Variants in JAKMIP3 observed in about 807,000 individuals in gnomAD.
JAKMIP3 encodes the protein janus kinase and microtubule-interacting protein 3.
Under a neutral mutation model 118.5 loss-of-function variants are expected in JAKMIP3, and 58 were observed. That is an observed-to-expected ratio of 0.49 (90% CI 0.40 to 0.61). The LOEUF (loss-of-function observed/expected upper bound fraction) is 0.61, where lower values mean the gene tolerates loss of function less well. JAKMIP3 is among the 20% of genes least tolerant of loss of function. The pLI, the probability that JAKMIP3 is intolerant of heterozygous loss-of-function variation, is 0.00. For missense variants in JAKMIP3, 950 were observed against 1,109.0 expected (o/e 0.86, Z 2.04); for synonymous variants, 486 against 451.2 (o/e 1.08, Z -0.98).
intron 12 of JAKMIP3, 88 bp from the exon 13 acceptor site, chr10:132,145,430 T>G: frequency 7.9e-7 from 1 of 1,269,346 alleles, no homozygotes. Flanking sequence ...GCCAGACTGG[T>G]CTTTGGTGTT....
intron 23 of JAKMIP3, among the ~76,000 whole-genome samples, chr10:132,171,255 C>T (rs1055232055): frequency 1.1e-4 from 16 of 152,210 alleles, no homozygotes; most frequent in Non-Finnish European, 4.4e-5. Flanking sequence ...CAGTCTCCAG[C>T]GTGAGTTTGA....
chr10:132,134,996 G>C, intron 4 of JAKMIP3, 45 bp from the exon 5 acceptor site: 1 of 1,600,828 alleles, frequency 6.2e-7, no homozygotes, highest in East Asian at 2.2e-5. Context: ...AGGCTTCCCA[G>C]GCTTGTGGGT....
chr10:132,094,662 A>G (rs973814197), intron 1 of JAKMIP3, among the ~76,000 whole-genome samples: 3 of 152,066 alleles, frequency 2.0e-5, no homozygotes, highest in East Asian at 1.9e-4. Context: ...AGGGGGTGCA[A>G]TGCACTTAGC....
In JAKMIP3 at chr10:132,148,132, CTGAACA is replaced by C. The variant is rs111344225; in HGVS notation, c.1848+106_1848+111del. The C allele has an allele frequency of 9.2e-3, 5,506 of 598,794 alleles. 70 individuals are homozygous for C. Among genetic ancestry groups the C allele is most frequent in the South Asian group, 0.034 (1,683 of 49,642 alleles). 37.1% of individuals were successfully genotyped at this position (598,794 alleles called of 1,614,324 possible). On this transcript the variant is annotated intron_variant, in intron 14 of 23. Coordinates refer to ENST00000684848, the MANE Select transcript of JAKMIP3 (RefSeq NM_001323087.2). ...CAGCCTTCCTAACCCACACAAAGCC[CTGAACA>C]TGAACATGAACATGAACATGAACCC...
intron 1 of JAKMIP3, among the ~76,000 whole-genome samples, chr10:132,039,460 G>GC (rs1309574480): frequency 1.3e-5 from 2 of 151,008 alleles, no homozygotes; most frequent in African/African-American, 4.9e-5. Flanking sequence ...TCCCAGTAAG[G>GC]CCAAGGGCTA....
At position 132,124,034 on chromosome 10, in the gene JAKMIP3, C is replaced by T. The variant is rs138289912; in HGVS notation, c.633+6460C>T. On this transcript the variant is annotated intron_variant, in intron 3 of 23. Coordinates refer to ENST00000684848, the MANE Select transcript of JAKMIP3 (RefSeq NM_001323087.2). ...CTAACCCAGAATTTCCAGAGGGTAA[C>T]GCCTGGCATCAGGGTTCGCTTTTCT... Among the ~76,000 whole-genome samples the T allele has an allele frequency of 2.1e-4, 32 of 152,338 alleles. No individual in the cohort carries two copies. In the East Asian group the frequency reaches 5.2e-3, roughly 25 times the overall value.
intron 9 of JAKMIP3, among the ~76,000 whole-genome samples, chr10:132,138,704 G>A (rs1349890199): frequency 1.1e-4 from 16 of 152,190 alleles, no homozygotes; most frequent in South Asian, 2.1e-4. Flanking sequence ...CAATGAAGAG[G>A]TGCCGGCTCT....
intron 2 of JAKMIP3, among the ~76,000 whole-genome samples, chr10:132,110,175 T>G (rs2046637324): frequency 6.6e-6 from 1 of 152,236 alleles, no homozygotes. Context: ...ACCGGCCTCC[T>G]GTAGCCTGGA....
rs772360908 is a variant in JAKMIP3 at position 132,117,275 on chromosome 10, G to A, written c.334G>A (p.Glu112Lys). The A allele has an allele frequency of 1.3e-5, 21 of 1,613,852 alleles. No individual in the cohort carries two copies. Among genetic ancestry groups the A allele is most frequent in the Non-Finnish European group, 1.8e-5 (21 of 1,179,888 alleles). ...LLRVIKIKDN[E>K]NQRLQALLSA... is the part of the protein sequence containing the mutation. ...CAGGGTCATCAAGATCAAGGACAAC[G>A]AGAACCAGCGGCTGCAGGCACTGCT... is the stretch of plus-strand genomic sequence containing the variant. The change falls in exon 3 of 24, where the codon GAG becomes AAG. Residue 112 changes from glutamate (E) to lysine (K), a missense_variant. Glu to Lys is a moderately conservative substitution (Grantham distance 56). Coordinates refer to ENST00000684848, the MANE Select transcript of JAKMIP3 (RefSeq NM_001323087.2). This position sits in a 1 kb window ranked among gnomAD's most constrained non-coding sequence, Gnocchi z 8.6.
chr10:132,105,062 A>G, intron 2 of JAKMIP3, 119 bp downstream of exon 2: 1 of 1,243,902 alleles, frequency 8.0e-7, no homozygotes, highest in Non-Finnish European at 1.1e-6. Context: ...ACCCAGTCCT[A>G]AAGGCTGCTT....
intron 11 of JAKMIP3, chr10:132,143,731 T>A (rs2054043880): frequency 6.6e-6 from 1 of 152,146 alleles, no homozygotes; most frequent in Admixed American, 6.5e-5. Context: ...CGAGGAAGCC[T>A]CAGGATAAGG....
chr10:132,135,916 G>A lies in JAKMIP3; in HGVS notation c.970-14G>A, dbSNP rs759787112. ...GTCACTTAAAGAACAATCACATAGT[G>A]CGTTGTCTTTCAGTTGAAGCGCGTA... On this transcript the variant is annotated splice_polypyrimidine_tract_variant and intron_variant, in intron 5 of 23. Coordinates refer to ENST00000684848, the MANE Select transcript of JAKMIP3 (RefSeq NM_001323087.2). 2.7e-5 allele frequency: 44 copies of A among 1,609,486 alleles called. No individual in the cohort carries two copies. The highest frequency in any genetic ancestry group is 3.7e-5 in the Non-Finnish European group (44 of 1,178,294).
chr10:132,157,288 C>T (rs1299655730), intron 19 of JAKMIP3, among the ~76,000 whole-genome samples: 1 of 152,140 alleles, frequency 6.6e-6, no homozygotes, highest in Non-Finnish European at 1.5e-5. Flanking sequence ...CCACCAGCTG[C>T]AGCATGCTTC....
intron 3 of JAKMIP3, among the ~76,000 whole-genome samples, chr10:132,131,983 CTTGT>C (rs2050730836): frequency 6.6e-6 from 1 of 152,202 alleles, no homozygotes; most frequent in African/African-American, 2.4e-5. Context: ...AAAAGAAAAT[CTTGT>C]TTGAGTCTGA....
intron 13 of JAKMIP3, 52 bp downstream of exon 13, chr10:132,145,632 G>C (rs2054454777): frequency 6.9e-7 from 1 of 1,446,456 alleles, no homozygotes; most frequent in Admixed American, 2.0e-5. Flanking sequence ...ATGCTCCTGG[G>C]GGTTGCAGTG....
chr10:132,171,158 C>T (rs1463024421), intron 23 of JAKMIP3, among the ~76,000 whole-genome samples: 4 of 152,214 alleles, frequency 2.6e-5, no homozygotes, highest in Non-Finnish European at 5.9e-5. Context: ...GACTTTGGGC[C>T]GAGGCCGCCA....
upstream of JAKMIP3, among the ~76,000 whole-genome samples, chr10:132,061,331 C>T (rs960769359): frequency 2.6e-5 from 4 of 152,206 alleles, no homozygotes; most frequent in South Asian, 2.1e-4. Context: ...GTAAATGCAT[C>T]ACACGTTGTG....
At chr10:132,140,398 G>A (rs2053252204) in intron 9 of JAKMIP3, 53 bp from the exon 10 acceptor site, 11 of 1,608,198 alleles carry the variant, frequency 6.8e-6, no homozygotes, top group Non-Finnish European at 9.3e-6. Context: ...GGCGGGAGGA[G>A]GCGGCTGTGC....
At chr10:132,155,147 GTGA>G (rs1341752379) in intron 19 of JAKMIP3, among the ~76,000 whole-genome samples, 2 of 148,256 alleles carry the variant, frequency 1.3e-5, no homozygotes, top group Non-Finnish European at 3.0e-5. Context: ...TGATATGGTG[GTGA>G]TGATCATGAC....
Sources: gnomAD v4.1 joint callset for allele counts (sites outside exome capture counted in the v4.1 genomes callset) on GRCh38, gnomAD v4.1.1 for gene constraint, Gnocchi (gnomAD v3.1) non-coding constraint, MANE v1.5 for transcripts, NCBI Gene and HGNC (gene_info 2026-07-23, HGNC 2026-07-21) for gene names.